The following NBAS variants were observed in gnomAD, a reference collection of about 807,000 sequenced individuals.
NBAS encodes the protein NBAS subunit of NRZ tethering complex, also known as NAG/BC035112 fusion.
In NBAS, 219 loss-of-function variants were observed where a neutral mutation model predicts 302.5. The observed-to-expected ratio is 0.72, with a 90% CI of 0.65 to 0.81. The LOEUF (loss-of-function observed/expected upper bound fraction) is 0.81. NBAS is among the 30% of genes least tolerant of loss of function. NBAS has a pLI of 0.00. For missense variants in NBAS, 2,932 were observed against 2,841.6 expected (o/e 1.03, Z -0.72); for synonymous variants, 1,118 against 1,021.6 (o/e 1.09, Z -1.80).
chr2:15,010,761 T>C, the NBAS span, among the ~76,000 whole-genome samples: 3 of 152,194 alleles, frequency 2.0e-5, no homozygotes, highest in Non-Finnish European at 4.4e-5. Context: ...TTACATATAT[T>C]AACACAAAAT....
At chr2:14,990,159 C>T in the NBAS span, among the ~76,000 whole-genome samples, 2 of 151,300 alleles carry the variant, frequency 1.3e-5, no homozygotes, top group Non-Finnish European at 2.9e-5. Flanking sequence ...ACACCTGTAA[C>T]CCCAGTGCTT....
the NBAS span, among the ~76,000 whole-genome samples, chr2:14,904,825 G>A: frequency 1.3e-5 from 2 of 152,170 alleles, no homozygotes; most frequent in African/African-American, 2.4e-5. Context: ...CGAGGCAGGC[G>A]GATCACAAGG....
Position 15,193,401 on chromosome 2 carries a change from G to A in NBAS, c.6433-2998C>T, listed in dbSNP as rs556543214. On this transcript the variant is annotated intron_variant, in intron 48 of 51. Transcript: ENST00000281513. ...TGTAGCTGCAAGCTTTACCTTCTATGAGAGAAGAAAATTGGCCTAAAAATG... is the reference window on the plus strand; with the variant it reads ...TGTAGCTGCAAGCTTTACCTTCTATAAGAGAAGAAAATTGGCCTAAAAATG... Among the ~76,000 whole-genome samples, 9 of 152,216 alleles carry A rather than the reference G, an allele frequency of 5.9e-5. No homozygotes were observed. In the South Asian group the frequency reaches 1.5e-3, roughly 25 times the overall value.
chr2:15,357,626 T>C (rs960903185), intron 32 of NBAS, among the ~76,000 whole-genome samples: 6 of 152,086 alleles, frequency 3.9e-5, no homozygotes, highest in Admixed American at 3.3e-4. Context: ...CAGCCTCTCA[T>C]TTAAACATGC....
chr2:15,554,610 T>C (rs1337215566), intron 3 of NBAS, among the ~76,000 whole-genome samples: 1 of 146,812 alleles, frequency 6.8e-6, no homozygotes, highest in African/African-American at 2.5e-5. Context: ...AAACAGGACT[T>C]AGCACACGAG....
chr2:15,017,534 C>A, the NBAS span, among the ~76,000 whole-genome samples: 3 of 151,006 alleles, frequency 2.0e-5, no homozygotes, highest in Non-Finnish European at 3.0e-5. Flanking sequence ...AAAAGACATA[C>A]AAATGGCCAA....
the NBAS span, among the ~76,000 whole-genome samples, chr2:15,105,413 A>T: frequency 0.48 from 72,236 of 151,666 alleles, 19,962 homozygotes; most frequent in Non-Finnish European, 0.6. Context: ...ATAATTTTTT[A>T]AAAAAAGTTG....
At chr2:14,807,246 T>G in the NBAS span, among the ~76,000 whole-genome samples, 3 of 152,192 alleles carry the variant, frequency 2.0e-5, no homozygotes, top group East Asian at 3.9e-4. Context: ...CATTGAACTT[T>G]AGAATGATTA....
intron 23 of NBAS, among the ~76,000 whole-genome samples, chr2:15,420,379 G>A (rs752259021): frequency 1.5e-4 from 23 of 152,158 alleles, no homozygotes; most frequent in Admixed American, 2.6e-4. Flanking sequence ...GGTGGGAGTC[G>A]CCAGGCTCTG....
At chr2:15,284,072 C>T (rs1299052516) in intron 42 of NBAS, among the ~76,000 whole-genome samples, 1 of 151,392 alleles carries the variant, frequency 6.6e-6, no homozygotes, top group Non-Finnish European at 1.5e-5. Context: ...GGAAGTGATT[C>T]TAGGCATTCA....
intron 44 of NBAS, among the ~76,000 whole-genome samples, chr2:15,271,994 A>C (rs1460386749): frequency 6.6e-6 from 1 of 152,228 alleles, no homozygotes; most frequent in Non-Finnish European, 1.5e-5. Flanking sequence ...CATATTAATC[A>C]TCTCAAATGG....
chr2:15,367,760 A>AT (rs1368241361), intron 31 of NBAS, among the ~76,000 whole-genome samples: 3 of 152,124 alleles, frequency 2.0e-5, no homozygotes, highest in Non-Finnish European at 4.4e-5. Flanking sequence ...GAGAGGTGGT[A>AT]TTTTTCCTCT....
chr2:14,848,190 C>G, the NBAS span, among the ~76,000 whole-genome samples: 1 of 151,570 alleles, frequency 6.6e-6, no homozygotes, highest in Non-Finnish European at 1.5e-5. Context: ...CTAGGGAGTT[C>G]CAGAGAGTGG....
intron 44 of NBAS, among the ~76,000 whole-genome samples, chr2:15,253,698 C>T (rs1455024548): frequency 6.6e-6 from 1 of 152,184 alleles, no homozygotes; most frequent in African/African-American, 2.4e-5. Context: ...ACAAGAAAGG[C>T]ATGTCTGACA....
At chr2:14,826,555 T>A in the NBAS span, among the ~76,000 whole-genome samples, 1 of 152,256 alleles carries the variant, frequency 6.6e-6, no homozygotes, top group Non-Finnish European at 1.5e-5. Context: ...TCTCTCCTCT[T>A]GCATCTGTCT....
intron 21 of NBAS, among the ~76,000 whole-genome samples, chr2:15,452,823 T>C (rs1368707803): frequency 2.0e-5 from 3 of 152,214 alleles, no homozygotes; most frequent in South Asian, 4.1e-4. Flanking sequence ...TCTGACTGCA[T>C]CTTATTTACT....
the NBAS span, among the ~76,000 whole-genome samples, chr2:15,014,157 T>C: frequency 2.0e-5 from 3 of 152,138 alleles, no homozygotes; most frequent in Non-Finnish European, 2.9e-5. Context: ...ATAAATCAAA[T>C]ATTATTACAT....
At chr2:14,886,263 C>T in the NBAS span, among the ~76,000 whole-genome samples, 1 of 152,188 alleles carries the variant, frequency 6.6e-6, no homozygotes. Context: ...CATACCCATA[C>T]CATAATAGTC....
the NBAS span, among the ~76,000 whole-genome samples, chr2:15,109,921 C>G: frequency 2.6e-5 from 4 of 152,152 alleles, 1 homozygote; most frequent in Admixed American, 2.6e-4. Context: ...TGTTTATTGT[C>G]CATTCAATGT....
Sources: gnomAD v4.1 joint callset for allele counts (sites outside exome capture counted in the v4.1 genomes callset) on GRCh38, gnomAD v4.1.1 for gene constraint, MANE v1.5 for transcripts, NCBI Gene and HGNC (gene_info 2026-07-23, HGNC 2026-07-21) for gene names.